DIXDC1: variants seen among roughly 807,000 people sequenced by gnomAD.
DIXDC1 encodes dixin.
A neutral mutation model predicts 103.1 loss-of-function variants in DIXDC1; 64 were observed. That is an observed-to-expected ratio of 0.62 (90% confidence interval 0.51 to 0.76). The LOEUF (loss-of-function observed/expected upper bound fraction) is 0.76, where lower values mean the gene tolerates loss of function less well. DIXDC1 is among the 30% of genes least tolerant of loss of function. The pLI is 0.00. For synonymous variants in DIXDC1, 266 were observed against 298.5 expected (o/e 0.89, Z 1.12); for missense variants, 759 against 834.2 (o/e 0.91, Z 1.11).
intron 4 of DIXDC1, chr11:111,974,514 A>G (rs1860035272): frequency 3.9e-6 from 2 of 518,156 alleles, no homozygotes; most frequent in African/African-American, 3.8e-5. Context: ...TTAAATATAC[A>G]CTTTTGGCAC....
intron 1 of DIXDC1, among the ~76,000 whole-genome samples, chr11:111,928,015 CAAA>C (rs782156043): frequency 1.0e-4 from 7 of 68,754 alleles, no homozygotes; most frequent in African/African-American, 1.7e-4. Flanking sequence ...GACTCCATCT[CAAA>C]AAAAAAAAAA....
chr11:111,975,211 C>T (rs1860058905), intron 5 of DIXDC1: 1 of 1,314,314 alleles, frequency 7.6e-7, no homozygotes, highest in Admixed American at 3.2e-5. Context: ...TGTGCAGTCC[C>T]AGTGCCAGTG....
At chr11:111,936,200 T>TA (rs1378423141), upstream of DIXDC1, among the ~76,000 whole-genome samples, 5 of 152,264 alleles carry the variant, frequency 3.3e-5, no homozygotes, top group Admixed American at 6.5e-5. Flanking sequence ...CTCTGAGCCC[T>TA]AATGCTCTGT....
At chr11:111,937,893 G>T (rs1966273850) in intron 1 of DIXDC1, among the ~76,000 whole-genome samples, 1 of 152,230 alleles carries the variant, frequency 6.6e-6, no homozygotes, top group African/African-American at 2.4e-5. Context: ...AATCCTCAGG[G>T]AATCCCTGGA....
At position 111,981,982 on chromosome 11, in the gene DIXDC1, T is replaced by G. The variant is rs1212979766; in HGVS notation, c.770-357T>G. Among the ~76,000 whole-genome samples the G allele has an allele frequency of 3.3e-5, 5 of 152,210 alleles. 1 individual carries two copies. The highest frequency in any genetic ancestry group is 2.6e-4 in the Admixed American group (4 of 15,276). On this transcript the variant is annotated intron_variant, in intron 6 of 19. Transcript: ENST00000440460. ...GTAACCAGTAAGATTTTGTTTTCAT[T>G]GCATCTGACAGCTCCTCTTTTTGTA... is the stretch of plus-strand genomic sequence containing the variant.
intron 17 of DIXDC1, among the ~76,000 whole-genome samples, chr11:112,009,582 C>T (rs1861350404): frequency 1.3e-5 from 2 of 152,208 alleles, no homozygotes; most frequent in African/African-American, 4.8e-5. Flanking sequence ...CAAACCGAAT[C>T]CAGCAGCACA....
At position 111,980,718 on chromosome 11, in the gene DIXDC1, C is replaced by T. The variant is rs782711106; in HGVS notation, c.657-19C>T. The T allele has an allele frequency of 6.3e-7, 1 of 1,596,712 alleles. No homozygotes were observed. Among genetic ancestry groups the T allele is most frequent in the South Asian group, 1.1e-5 (1 of 89,754 alleles). On this transcript the variant is annotated intron_variant, in intron 5 of 19. Transcript: ENST00000440460. ...ACTCTTCATAATAATCGTTTTTCTT[C>T]CTTTTTCTTCAATCACAGCCTGACT...
chr11:111,946,111 AT>A (rs782364929), intron 1 of DIXDC1, among the ~76,000 whole-genome samples: 358 of 98,394 alleles, frequency 3.6e-3, no homozygotes, highest in Middle Eastern at 0.014. Context: ...TAATTTTTGT[AT>A]TTTTTTTTTT....
intron 15 of DIXDC1, 118 bp downstream of exon 15, chr11:111,995,226 T>G: frequency 7.5e-7 from 1 of 1,335,690 alleles, no homozygotes; most frequent in Non-Finnish European, 1.0e-6. Context: ...CCTGGATCTG[T>G]GGAGTGTGTA....
chr11:112,017,941 G>T lies in DIXDC1; in HGVS notation c.1971+56G>T. ...TTATTGGTCCTTTCTGAACCCTGAA[G>T]CCTCCTGTTCAAGCACTAGTGTCCA... On this transcript the variant is annotated intron_variant, in intron 19 of 19. Coordinates refer to ENST00000440460, the MANE Select transcript of DIXDC1 (RefSeq NM_001037954.4). This position sits in a 1 kb window ranked among gnomAD's most constrained non-coding sequence, Gnocchi z 4.0. 1 of 1,414,670 alleles carries T rather than the reference G, an allele frequency of 7.1e-7. No individual in the cohort carries two copies. The highest frequency in any genetic ancestry group is 1.2e-5 in the South Asian group (1 of 80,458). 87.6% of individuals were successfully genotyped at this position (1,414,670 alleles called of 1,614,324 possible). A position where few individuals can be genotyped will look rare whatever the true frequency, so the allele number is the denominator to read the frequency against.
intron 8 of DIXDC1, among the ~76,000 whole-genome samples, chr11:111,986,013 C>A (rs1467611633): frequency 2.0e-5 from 3 of 152,154 alleles, no homozygotes; most frequent in Non-Finnish European, 4.4e-5. Context: ...TCCAGTCAGT[C>A]ACCAAGTTTT....
intron 1 of DIXDC1, 116 bp downstream of exon 1, chr11:111,937,675 C>T: frequency 1.9e-6 from 2 of 1,070,684 alleles, no homozygotes; most frequent in Non-Finnish European, 2.7e-6. Context: ...CAAATCGCCC[C>T]CAGAACCCCA....
chr11:111,967,511 C>A (rs1342195858), intron 2 of DIXDC1, among the ~76,000 whole-genome samples: 11 of 152,220 alleles, frequency 7.2e-5, no homozygotes, highest in Non-Finnish European at 1.3e-4. Flanking sequence ...CCATCATGTC[C>A]TGCCTTGACT....
rs587636267 is a variant in DIXDC1, at chr11:111,955,753, C to G, written c.61-8796C>G. Among the ~76,000 whole-genome samples the G allele has an allele frequency of 5.7e-5, 8 of 141,268 alleles. No homozygotes were observed. The East Asian group carries it at 1.4e-3, about 26-fold the overall frequency. The allele number at this position is 141,268 out of a possible 152,430, so 92.7% of individuals were successfully genotyped here. ...GGGAGGCTGAGGCAGGAGAATTGCTCGAACCTGGAGGTAGAGGTTGCAGTG... is the reference window on the plus strand; with the variant it reads ...GGGAGGCTGAGGCAGGAGAATTGCTGGAACCTGGAGGTAGAGGTTGCAGTG... On this transcript the variant is annotated intron_variant, in intron 1 of 19. Coordinates refer to ENST00000440460, the MANE Select transcript of DIXDC1 (RefSeq NM_001037954.4).
chr11:111,990,037 G>A (rs1463340011), intron 10 of DIXDC1, among the ~76,000 whole-genome samples: 7 of 150,568 alleles, frequency 4.6e-5, no homozygotes, highest in Non-Finnish European at 8.8e-5. Flanking sequence ...TGATCTGCCC[G>A]CCTTGGCCTC....
At chr11:111,982,701 A>T (rs1437196069) in intron 7 of DIXDC1, among the ~76,000 whole-genome samples, 2 of 152,210 alleles carry the variant, frequency 1.3e-5, no homozygotes, top group Non-Finnish European at 2.9e-5. Flanking sequence ...AGCGCTTAAG[A>T]TTTCAGCAAG....
At chr11:111,969,474 T>A (rs1334795830) in intron 3 of DIXDC1, among the ~76,000 whole-genome samples, 1 of 152,106 alleles carries the variant, frequency 6.6e-6, no homozygotes, top group Non-Finnish European at 1.5e-5. Context: ...CATAGAACAT[T>A]CTAGGCAGGA....
In DIXDC1 at chr11:111,992,967, A is replaced by G; in HGVS notation, c.1235A>G (p.Lys412Arg). ...TTCTTGCAGGTGGATCTGCAGAGGA[A>G]GCTAGATGAGAGGAACCGGCTCTTG... ...LHNQNVDLQR[K>R]LDERNRLLGE... is the part of the protein sequence containing the mutation. Residue 412 changes from lysine (K) to arginine (R), a missense_variant, in exon 12 of 20, where the codon AAG (lysine) becomes AGG (arginine). Coordinates refer to ENST00000440460, the MANE Select transcript of DIXDC1 (RefSeq NM_001037954.4). 1 of 1,608,754 alleles carries G rather than the reference A, an allele frequency of 6.2e-7. No individual in the cohort carries two copies. The highest frequency in any genetic ancestry group is 8.5e-7 in the Non-Finnish European group (1 of 1,177,722).
At position 111,976,990 on chromosome 11, in the gene DIXDC1, G is replaced by C. The variant is rs1860118690; in HGVS notation, c.656+2007G>C. 1.3e-5 allele frequency: 2 copies of C among 152,976 alleles called. No homozygotes were observed. Among genetic ancestry groups the C allele is most frequent in the Non-Finnish European group, 2.9e-5 (2 of 68,594 alleles). The allele number at this position is 152,976 out of a possible 1,614,324, so 9.5% of individuals were successfully genotyped here. On this transcript the variant is annotated intron_variant, in intron 5 of 19. Coordinates refer to ENST00000440460, the MANE Select transcript of DIXDC1 (RefSeq NM_001037954.4). The surrounding 1 kb of genome is among the most constrained non-coding windows in gnomAD (Gnocchi z 4.3). Reference sequence around the variant, plus strand: ...GACCGACCCCTCGTCCACCAAGGGAGGGCTCAGAGTGGAGAAGGCAAGGTT... The same window carrying C: ...GACCGACCCCTCGTCCACCAAGGGACGGCTCAGAGTGGAGAAGGCAAGGTT...
Sources: gnomAD v4.1 joint callset for allele counts (sites outside exome capture counted in the v4.1 genomes callset) on GRCh38, gnomAD v4.1.1 for gene constraint, Gnocchi (gnomAD v3.1) non-coding constraint, MANE v1.5 for transcripts, NCBI Gene and HGNC (gene_info 2026-07-23, HGNC 2026-07-21) for gene names.